Variants in NRXN3 observed in about 807,000 individuals in gnomAD.
NRXN3 encodes the protein neurexin 3.
NRXN3 carries 32 observed loss-of-function variants against 137.6 expected under a neutral mutation model. The observed-to-expected ratio is 0.23, with a 90% CI of 0.18 to 0.31. NRXN3 has a LOEUF of 0.31. Ranked by LOEUF, NRXN3 falls within the 10% of genes least tolerant of loss-of-function variation. The probability of loss-of-function intolerance (pLI) is 1.00; values close to 1 mark genes in which losing one functional copy is unlikely to be tolerated. For missense variants in NRXN3, 1,574 were observed against 2,062.5 expected (o/e 0.76, Z 4.59); for synonymous variants, 798 against 784.5 (o/e 1.02, Z -0.29).
rs554947421 is a variant in NRXN3, at chr14:78,803,897, A to G, written c.2248+74A>G. 46 of 1,393,296 alleles carry G rather than the reference A, an allele frequency of 3.3e-5. No homozygotes were observed. In the African/African-American group the frequency reaches 5.8e-4, roughly 18 times the overall value. 86.3% of individuals were successfully genotyped at this position (1,393,296 alleles called of 1,614,324 possible). A position where few individuals can be genotyped will look rare whatever the true frequency, so the allele number is the denominator to read the frequency against. On this transcript the variant is annotated intron_variant, in intron 9 of 20. Coordinates refer to ENST00000335750, the MANE Select transcript of NRXN3 (RefSeq NM_001330195.2). ...TTCTTTTCTGATTTTCATTGGTTTG[A>G]TTGAATTCTTTGTTTGTTTCTTGAA...
chr14:78,601,041 G>A (rs2097197666), intron 4 of NRXN3, among the ~76,000 whole-genome samples: 1 of 152,128 alleles, frequency 6.6e-6, no homozygotes, highest in South Asian at 2.1e-4. Context: ...CTAGTTCAGG[G>A]TTTCATCACC....
At chr14:79,476,219 A>G (rs773423191) in intron 16 of NRXN3, among the ~76,000 whole-genome samples, 13 of 151,816 alleles carry the variant, frequency 8.6e-5, no homozygotes. Context: ...TTAGCCACCC[A>G]CTCCACAGAA....
chr14:78,528,787 G>T (rs757653424), intron 4 of NRXN3, among the ~76,000 whole-genome samples: 2 of 151,962 alleles, frequency 1.3e-5, no homozygotes, highest in Non-Finnish European at 2.9e-5. Flanking sequence ...TTAAATTTTT[G>T]ATACTTTGTT....
At position 79,563,368 on chromosome 14, in the gene NRXN3, C is replaced by A. The variant is rs191501563; in HGVS notation, c.3444+95966C>A. On this transcript the variant is annotated intron_variant, in intron 16 of 20. Coordinates refer to ENST00000335750, the MANE Select transcript of NRXN3 (RefSeq NM_001330195.2). ...CCTTCACTTGTGCCCTAAGGCCTGG[C>A]AGCTTATTTCAGGAGGGACACCCGT... Among the ~76,000 whole-genome samples, 59 of 152,086 alleles carry A rather than the reference C, an allele frequency of 3.9e-4. 1 individual carries two copies. The highest frequency in any genetic ancestry group is 1.4e-3 in the African/African-American group (57 of 41,502).
intron 4 of NRXN3, among the ~76,000 whole-genome samples, chr14:78,617,726 G>T (rs1247592313): frequency 2.0e-5 from 3 of 152,000 alleles, no homozygotes; most frequent in Non-Finnish European, 4.4e-5. Context: ...ATAATGTGAG[G>T]TGTTAGACTA....
intron 20 of NRXN3, among the ~76,000 whole-genome samples, chr14:79,828,385 T>C (rs996482930): frequency 3.3e-5 from 5 of 151,900 alleles, no homozygotes; most frequent in African/African-American, 1.2e-4. Flanking sequence ...TTTGGGAGGC[T>C]GAGGTGGGCG....
At chr14:78,598,296 A>G (rs1016294281) in intron 4 of NRXN3, among the ~76,000 whole-genome samples, 3 of 152,002 alleles carry the variant, frequency 2.0e-5, no homozygotes, top group Non-Finnish European at 4.4e-5. Flanking sequence ...ACACGTGAGC[A>G]AGGGTTCCTG....
At chr14:79,497,452 C>T (rs2096778386) in intron 16 of NRXN3, among the ~76,000 whole-genome samples, 1 of 152,224 alleles carries the variant, frequency 6.6e-6, no homozygotes, top group African/African-American at 2.4e-5. Flanking sequence ...TTAATGAAGA[C>T]TTCCCTAGCT....
chr14:79,042,161 G>A (rs533972522), intron 15 of NRXN3, among the ~76,000 whole-genome samples: 2 of 152,250 alleles, frequency 1.3e-5, no homozygotes, highest in African/African-American at 4.8e-5. Context: ...TGAAAGACAA[G>A]CAACTGTGAT....
intron 15 of NRXN3, among the ~76,000 whole-genome samples, chr14:79,071,920 A>T (rs1413166769): frequency 2.0e-5 from 3 of 152,192 alleles, no homozygotes; most frequent in African/African-American, 7.2e-5. Flanking sequence ...TCAAAATATA[A>T]CTTATGCCCC....
intron 15 of NRXN3, among the ~76,000 whole-genome samples, chr14:79,135,314 T>G (rs1489185845): frequency 6.6e-6 from 1 of 152,224 alleles, no homozygotes; most frequent in Non-Finnish European, 1.5e-5. Flanking sequence ...CCTCTCCCTT[T>G]CATAGTTTCT....
At chr14:79,775,553 GAAAAAAAAAAAA>G (rs749252781) in intron 19 of NRXN3, among the ~76,000 whole-genome samples, 6 of 69,042 alleles carry the variant, frequency 8.7e-5, no homozygotes. Context: ...GGCTCTAACC[GAAAAAAAAAAAA>G]AAAAAAAAGG....
chr14:78,532,375 T>TTGTGTG (rs56788209), intron 4 of NRXN3, among the ~76,000 whole-genome samples: 13,683 of 138,444 alleles, frequency 0.099, 668 homozygotes, highest in Middle Eastern at 0.15. Flanking sequence ...TGATGATATT[T>TTGTGTG]TGTGTGTGTG....
At chr14:79,689,255 G>A (rs1235519224) in intron 17 of NRXN3, among the ~76,000 whole-genome samples, 2 of 152,070 alleles carry the variant, frequency 1.3e-5, no homozygotes, top group African/African-American at 2.4e-5. Context: ...AAGAATGTAG[G>A]TGAATTTGGT....
chr14:78,390,048 A>G (rs1235913045), intron 4 of NRXN3, among the ~76,000 whole-genome samples: 1 of 152,208 alleles, frequency 6.6e-6, no homozygotes, highest in African/African-American at 2.4e-5. Flanking sequence ...TACTATGTTC[A>G]GTTAATCTTT....
chr14:78,331,631 C>T (rs961609430), intron 4 of NRXN3, among the ~76,000 whole-genome samples: 1 of 152,212 alleles, frequency 6.6e-6, no homozygotes, highest in Non-Finnish European at 1.5e-5. Flanking sequence ...TTGAAGGCTA[C>T]TTCCTGGAAC....
At chr14:79,113,554 C>G (rs919924530) in intron 15 of NRXN3, among the ~76,000 whole-genome samples, 2 of 152,158 alleles carry the variant, frequency 1.3e-5, no homozygotes, top group African/African-American at 4.8e-5. Context: ...ACTATGATGT[C>G]TTCACATCAC....
rs542077087 is a variant in NRXN3, at chr14:78,719,904, C to T, written c.2044+4765C>T. 2.6e-5 allele frequency among the ~76,000 whole-genome samples: 4 copies of T among 152,166 alleles called. No homozygotes were observed. In the South Asian group the frequency reaches 8.3e-4, roughly 32 times the overall value. ...CAGATACCGTTAGTGTTACCTGCAC[C>T]TCATTCCTGTTTTGGTAAATGAGGA... On this transcript the variant is annotated intron_variant, in intron 8 of 20. Coordinates refer to ENST00000335750, the MANE Select transcript of NRXN3 (RefSeq NM_001330195.2).
At chr14:79,151,048 C>T (rs1002566438) in intron 15 of NRXN3, among the ~76,000 whole-genome samples, 1 of 152,002 alleles carries the variant, frequency 6.6e-6, no homozygotes, top group African/African-American at 2.4e-5. Context: ...TATGATCAGG[C>T]TCTGAAAGAA....
Sources: gnomAD v4.1 joint callset for allele counts (sites outside exome capture counted in the v4.1 genomes callset) on GRCh38, gnomAD v4.1.1 for gene constraint, MANE v1.5 for transcripts, NCBI Gene and HGNC (gene_info 2026-07-23, HGNC 2026-07-21) for gene names.